PRDM2: variants seen among roughly 807,000 people sequenced by gnomAD.
The protein encoded by PRDM2 is PR domain zinc finger protein 2.
Under a neutral mutation model 130.0 loss-of-function variants are expected in PRDM2, and 30 were observed. That is an observed-to-expected ratio of 0.23 (90% CI 0.17 to 0.31). The LOEUF is 0.31. PRDM2 is among the 10% of genes least tolerant of loss of function. PRDM2 has a pLI of 1.00. For synonymous variants in PRDM2, 871 were observed against 782.4 expected (o/e 1.11, Z -1.89); for missense variants, 2,011 against 2,108.4 (o/e 0.95, Z 0.90).
Position 13,809,879 on chromosome 1 carries a change from TG to T in PRDM2, c.5037-6546del, listed in dbSNP as rs1355848364. Among the ~76,000 whole-genome samples, 3 of 152,176 alleles carry T rather than the reference TG, an allele frequency of 2.0e-5. No homozygotes were observed. In the East Asian group the frequency reaches 5.8e-4, roughly 29 times the overall value. On this transcript the variant is annotated intron_variant, in intron 8 of 9. Coordinates refer to ENST00000311066, the MANE Select transcript of PRDM2 (RefSeq NM_001393986.1). ...ATTTTTTTTTCACAGTTCTGGAGACTGGAAGTTCAAGATTAGGGTACCAGCA... is the reference window on the plus strand; with the variant it reads ...ATTTTTTTTTCACAGTTCTGGAGACTGAAGTTCAAGATTAGGGTACCAGCA...
rs2100661534 is a variant in PRDM2 at position 13,779,502 on chromosome 1, T to C, written c.1707T>C (p.Tyr569=). 1.2e-6 allele frequency: 2 copies of C among 1,614,102 alleles called. No homozygotes were observed. The highest frequency in any genetic ancestry group is 1.3e-5 in the African/African-American group (1 of 75,058). ...ATATCTCTGAAAACTTAAATTACTA[T>C]ATTGATGGTAAAATTCAAACTAATA... ...SSNISENLNY[Y]IDGKIQTNNN... The change falls in exon 8 of 10, where the codon TAT becomes TAC. Residue 569 remains tyrosine (Y), a synonymous_variant. Coordinates refer to ENST00000311066, the MANE Select transcript of PRDM2 (RefSeq NM_001393986.1). The surrounding 1 kb of genome is among the most constrained non-coding windows in gnomAD (Gnocchi z 4.9).
rs374813531 is a variant in PRDM2, at chr1:13,766,388, A to G, written c.512-6690A>G. Among the ~76,000 whole-genome samples, 4 of 152,340 alleles carry G rather than the reference A, an allele frequency of 2.6e-5. No individual in the cohort carries two copies. The East Asian group carries it at 7.7e-4, about 29-fold the overall frequency. On this transcript the variant is annotated intron_variant, in intron 6 of 9. Transcript: ENST00000311066. ...GAATGAAAGAAATACCAAGTTGTCA[A>G]ATGTGAAGGAGAAACTTGGGGCAAA...
chr1:13,790,634 T>C (rs76453753), intron 8 of PRDM2, among the ~76,000 whole-genome samples: 1,578 of 152,338 alleles, frequency 0.01, 10 homozygotes, highest in Middle Eastern at 0.02. Context: ...GTGGGAATGA[T>C]GACGTGACCG....
chr1:13,775,905 G>A (rs542559284), intron 7 of PRDM2, among the ~76,000 whole-genome samples: 1 of 152,298 alleles, frequency 6.6e-6, no homozygotes, highest in Admixed American at 6.5e-5. Flanking sequence ...CCAGATGGCA[G>A]TCTCCTGCTT....
At chr1:13,796,675 C>A (rs1186560520) in intron 8 of PRDM2, among the ~76,000 whole-genome samples, 1 of 152,224 alleles carries the variant, frequency 6.6e-6, no homozygotes, top group South Asian at 2.1e-4. Context: ...TTGTTTAAGC[C>A]CAGGAAGCCA....
intron 6 of PRDM2, among the ~76,000 whole-genome samples, chr1:13,749,860 G>C (rs947312149): frequency 6.6e-6 from 1 of 152,118 alleles, no homozygotes; most frequent in Non-Finnish European, 1.5e-5. Flanking sequence ...CCGCAGCCGC[G>C]CGCACGGCGG....
At chr1:13,815,906 G>A (rs1645248934) in intron 8 of PRDM2, among the ~76,000 whole-genome samples, 1 of 152,208 alleles carries the variant, frequency 6.6e-6, no homozygotes, top group Non-Finnish European at 1.5e-5. Flanking sequence ...TAAGGGCAAT[G>A]GAGCTGCCTC....
At chr1:13,716,135 T>A (rs537704420) in intron 2 of PRDM2, among the ~76,000 whole-genome samples, 1 of 152,038 alleles carries the variant, frequency 6.6e-6, no homozygotes, top group South Asian at 2.1e-4. Flanking sequence ...AAATGATGAG[T>A]TCATGTCCTT....
chr1:13,788,185 C>G (rs1004290723), intron 8 of PRDM2: 22 of 841,528 alleles, frequency 2.6e-5, no homozygotes, highest in Non-Finnish European at 2.7e-5. Flanking sequence ...AAAAGTGCGG[C>G]GTCTACTCAG....
chr1:13,737,966 C>G (rs930207677), intron 4 of PRDM2, among the ~76,000 whole-genome samples: 1 of 151,902 alleles, frequency 6.6e-6, no homozygotes, highest in African/African-American at 2.4e-5. Flanking sequence ...TAGAAGTGAC[C>G]TAGATCTTTC....
At chr1:13,787,181 A>G in intron 8 of PRDM2, 2 of 983,522 alleles carry the variant, frequency 2.0e-6, no homozygotes, top group Non-Finnish European at 2.4e-6. Context: ...AATGGACGTT[A>G]TCCTCTCAGA....
chr1:13,788,828 T>C (rs968829821), intron 8 of PRDM2, among the ~76,000 whole-genome samples: 4 of 152,240 alleles, frequency 2.6e-5, no homozygotes, highest in Non-Finnish European at 5.9e-5. Context: ...ATCCCTTCCC[T>C]GTGCCTTCAG....
chr1:13,773,009 A>G, intron 6 of PRDM2, 69 bp from the exon 7 acceptor site: 2 of 872,588 alleles, frequency 2.3e-6, no homozygotes, highest in Non-Finnish European at 3.4e-6. Context: ...AGAATAACAC[A>G]TGAGGGAATG....
chr1:13,766,513 G>T (rs1027246902), intron 6 of PRDM2, among the ~76,000 whole-genome samples: 4 of 152,224 alleles, frequency 2.6e-5, no homozygotes, highest in African/African-American at 9.6e-5. Flanking sequence ...TCAGTTGCAA[G>T]GATGAAGGAC....
chr1:13,732,832 G>T lies in PRDM2; in HGVS notation c.181G>T (p.Gly61Cys). 1 of 1,607,278 alleles carries T rather than the reference G, an allele frequency of 6.2e-7. No homozygotes were observed. Among genetic ancestry groups the T allele is most frequent in the Non-Finnish European group, 8.5e-7 (1 of 1,177,240 alleles). ...AGGCAAAAAATTTGGGCCATTTGTT[G>T]GTGATAAGAAAAAAAGATCTCAGGT... ...LKGKKFGPFV[G>C]DKKKRSQVKN... Residue 61 changes from glycine to cysteine, a missense_variant, in exon 4 of 10, where the codon GGT becomes TGT. By Grantham distance (159) the Gly-to-Cys change is radical (BLOSUM62 -3). Transcript: ENST00000311066.
chr1:13,746,795 G>C (rs575281488), intron 5 of PRDM2, among the ~76,000 whole-genome samples: 1 of 152,170 alleles, frequency 6.6e-6, no homozygotes, highest in African/African-American at 2.4e-5. Flanking sequence ...GCGCTCAAGC[G>C]ATTCGCCTGC....
Position 13,824,844 on chromosome 1 carries a change from A to G in PRDM2, c.*1709A>G, listed in dbSNP as rs975435182. 7.9e-5 allele frequency: 12 copies of G among 152,596 alleles called. No individual in the cohort carries two copies. Among genetic ancestry groups the G allele is most frequent in the African/African-American group, 2.9e-4 (12 of 41,442 alleles). 9.5% of individuals were successfully genotyped at this position (152,596 alleles called of 1,614,324 possible). A position where few individuals can be genotyped will look rare whatever the true frequency, so the allele number is the denominator to read the frequency against. On this transcript the variant is annotated 3_prime_UTR_variant, in exon 10 of 10. Transcript: ENST00000311066. ...GGCAAGTCACCTGCAGCCCATGGTGAGCTCTGGGAAGTGTGGTTGAGGCCT... is the reference window on the plus strand; with the variant it reads ...GGCAAGTCACCTGCAGCCCATGGTGGGCTCTGGGAAGTGTGGTTGAGGCCT...
At chr1:13,809,270 T>G (rs918719486) in intron 8 of PRDM2, among the ~76,000 whole-genome samples, 3 of 152,198 alleles carry the variant, frequency 2.0e-5, no homozygotes, top group African/African-American at 7.2e-5. Context: ...GTCACACTTC[T>G]GTGGAACAGA....
chr1:13,779,826 G>A lies in PRDM2; in HGVS notation c.2031G>A (p.Val677=), dbSNP rs1358508234. ...TTAGCATATCAACAACAGAGGCAGT[G>A]TCTTTCCACAAAGAGAAAAGTGTTT... ...LPLSISTTEA[V]SFHKEKSVYL... is the part of the protein sequence containing the mutation. Residue 677 remains valine, a synonymous_variant, in exon 8 of 10, where the codon GTG becomes GTA. Coordinates refer to ENST00000311066, the MANE Select transcript of PRDM2 (RefSeq NM_001393986.1). This position sits in a 1 kb window ranked among gnomAD's most constrained non-coding sequence, Gnocchi z 4.9. 6.2e-7 allele frequency: 1 copy of A among 1,614,074 alleles called. No individual in the cohort carries two copies. Among genetic ancestry groups the A allele is most frequent in the Non-Finnish European group, 8.5e-7 (1 of 1,180,044 alleles).
Sources: gnomAD v4.1 joint callset for allele counts (sites outside exome capture counted in the v4.1 genomes callset) on GRCh38, gnomAD v4.1.1 for gene constraint, Gnocchi (gnomAD v3.1) non-coding constraint, MANE v1.5 for transcripts, NCBI Gene and HGNC (gene_info 2026-07-23, HGNC 2026-07-21) for gene names.